Variants in ARL17A observed in about 807,000 individuals in gnomAD.
ARL17A encodes the protein ADP-ribosylation factor-like 17-like.
chr17:46,516,136 T>C (rs2051258054), downstream of ARL17A, among the ~76,000 whole-genome samples: 1 of 148,446 alleles, frequency 6.7e-6, no homozygotes, highest in Non-Finnish European at 1.5e-5. Context: ...CCATCTCTAC[T>C]AAAAATACAG....
At chr17:46,534,549 G>A (rs1350149425) in intron 4 of ARL17A, among the ~76,000 whole-genome samples, 2 of 147,822 alleles carry the variant, frequency 1.4e-5, no homozygotes, top group Non-Finnish European at 3.0e-5. Context: ...CAAGGCAGAA[G>A]AATTTTTCTT....
intron 3 of ARL17A, among the ~76,000 whole-genome samples, chr17:46,541,559 G>A (rs1375297143): frequency 6.6e-6 from 1 of 150,790 alleles, no homozygotes; most frequent in Non-Finnish European, 1.5e-5. Flanking sequence ...GCCTCACTCA[G>A]CAGAATTTTT....
At chr17:46,548,879 T>C (rs1484335473), downstream of ARL17A, 3 of 1,612,636 alleles carry the variant, frequency 1.9e-6, no homozygotes, top group Admixed American at 5.0e-5. Context: ...GCAGTCTCTG[T>C]GCTGAAACCC....
intron 3 of ARL17A, among the ~76,000 whole-genome samples, chr17:46,569,067 C>T (rs1482583854): frequency 2.6e-4 from 37 of 143,494 alleles, no homozygotes; most frequent in African/African-American, 4.6e-4. Context: ...CTCAGCCTCC[C>T]GAGTAGCTGG....
rs1331741976 is a variant in ARL17A at position 46,544,747 on chromosome 17, A to G, written c.260-6321T>C. Among the ~76,000 whole-genome samples, 2 of 95,642 alleles carry G rather than the reference A, an allele frequency of 2.1e-5. 1 individual carries two copies. Among genetic ancestry groups the G allele is most frequent in the Non-Finnish European group, 3.9e-5 (2 of 51,596 alleles). The allele number at this position is 95,642 out of a possible 152,430, so 62.7% of individuals were successfully genotyped here. The stretch of plus-strand genomic sequence containing the variant: ...TCTCTGAAAGTGCCCCCAATAAGCC[A>G]CAACAATAAATTAATCAATTGTCTC... On this transcript the variant is annotated intron_variant, in intron 3 of 4. Transcript: ENST00000329240.
downstream of ARL17A, chr17:46,548,379 C>A: frequency 1.7e-6 from 1 of 587,936 alleles, no homozygotes. Context: ...GGAAGAACTA[C>A]ACAAGCACTG....
In ARL17A at chr17:46,545,259, C is replaced by G. The variant is rs1192865329; in HGVS notation, c.260-6833G>C. Among the ~76,000 whole-genome samples, 8 of 139,420 alleles carry G rather than the reference C, an allele frequency of 5.7e-5. No individual in the cohort carries two copies. The East Asian group carries it at 1.7e-3, about 29-fold the overall frequency. The allele number at this position is 139,420 out of a possible 152,430, so 91.5% of individuals were successfully genotyped here. A position where few individuals can be genotyped will look rare whatever the true frequency, so the allele number is the denominator to read the frequency against. ...CCAGCCTGAGCAACATGGGGAAACT[C>G]TGTCACTACTGAAAATACAAAAGTA... On this transcript the variant is annotated intron_variant, in intron 3 of 4. Transcript: ENST00000329240.
At chr17:46,541,857 T>G (rs2941981) in intron 3 of ARL17A, among the ~76,000 whole-genome samples, 3 of 150,708 alleles carry the variant, frequency 2.0e-5, no homozygotes, top group Admixed American at 1.3e-4. Context: ...GACTTTGGTA[T>G]CTGCAGGGGG....
intron 3 of ARL17A, among the ~76,000 whole-genome samples, chr17:46,558,553 ATTT>A (rs58227880): frequency 2.0e-5 from 2 of 100,240 alleles, no homozygotes; most frequent in African/African-American, 4.1e-5. Context: ...TGCCCGGCCA[ATTT>A]TTTTTTTTTT....
rs2057603757 is a variant in ARL17A at position 46,568,839 on chromosome 17, A to G, written c.259+1920T>C. Among the ~76,000 whole-genome samples the G allele has an allele frequency of 5.0e-5, 6 of 121,090 alleles. No individual in the cohort carries two copies. The South Asian group carries it at 1.6e-3, about 33-fold the overall frequency. The allele number at this position is 121,090 out of a possible 152,430, so 79.4% of individuals were successfully genotyped here. A position where few individuals can be genotyped will look rare whatever the true frequency, so the allele number is the denominator to read the frequency against. On this transcript the variant is annotated intron_variant, in intron 3 of 3. Coordinates refer to ENST00000336125, the MANE Select transcript of ARL17A (RefSeq NM_001113738.2). ...GAGAAAGAACAACTGCTGTAGAATA[A>G]AAGACTAAAGAGGCAAAACAACAAA...
downstream of ARL17A, among the ~76,000 whole-genome samples, chr17:46,516,213 G>T (rs1041882355): frequency 8.3e-5 from 12 of 144,554 alleles, 1 homozygote; most frequent in African/African-American, 3.0e-4. Context: ...TGAGGCAGGA[G>T]AATGGCATGA....
At chr17:46,541,220 C>A (rs949307794) in intron 3 of ARL17A, among the ~76,000 whole-genome samples, 2 of 149,414 alleles carry the variant, frequency 1.3e-5, no homozygotes, top group African/African-American at 2.6e-5. Flanking sequence ...TAGCACATAG[C>A]CTCTTGTGTT....
the ARL17A span, among the ~76,000 whole-genome samples, chr17:46,501,445 G>A: frequency 2.0e-5 from 3 of 151,270 alleles, no homozygotes; most frequent in Admixed American, 2.0e-4. Context: ...AAAGTGCTGA[G>A]ACTACAGGTG....
At chr17:46,543,554 G>C (rs1446113367) in intron 3 of ARL17A, among the ~76,000 whole-genome samples, 1 of 150,892 alleles carries the variant, frequency 6.6e-6, no homozygotes, top group East Asian at 1.9e-4. Context: ...TAGTCCTCTG[G>C]TTATGTCAGA....
rs566993103 is a variant in ARL17A at position 46,558,145 on chromosome 17, C to T, written c.260-515G>A. ...CACGATCTCAGCTCACTGCATCCTC[C>T]GCCTCCTGGGTTCAAGCAAGTCTCC... On this transcript the variant is annotated intron_variant, in intron 3 of 3. Transcript: ENST00000336125. 1.5e-3 allele frequency among the ~76,000 whole-genome samples: 182 copies of T among 122,696 alleles called. 18 individuals are homozygous for T. Among genetic ancestry groups the T allele is most frequent in the African/African-American group, 5.6e-3 (169 of 29,952 alleles). 80.5% of individuals were successfully genotyped at this position (122,696 alleles called of 152,430 possible). A position where few individuals can be genotyped will look rare whatever the true frequency, so the allele number is the denominator to read the frequency against.
At chr17:46,512,535 CACTA>C, downstream of ARL17A, 1 of 161,220 alleles carries the variant, frequency 6.2e-6, no homozygotes, top group Admixed American at 8.7e-5. Context: ...AATCCTTCCT[CACTA>C]AGGGGAGGAG....
chr17:46,534,378 G>C (rs2054241579), intron 4 of ARL17A, among the ~76,000 whole-genome samples: 2 of 145,950 alleles, frequency 1.4e-5, no homozygotes, highest in African/African-American at 5.3e-5. Flanking sequence ...GGGTACTTGA[G>C]ATTAGGGAGT....
At chr17:46,551,090 G>A (rs529817314), downstream of ARL17A, among the ~76,000 whole-genome samples, 575 of 150,044 alleles carry the variant, frequency 3.8e-3, 7 homozygotes, top group African/African-American at 0.014. Context: ...GAGGGGGAAC[G>A]TCTCATACTC....
downstream of ARL17A, among the ~76,000 whole-genome samples, chr17:46,516,153 A>T (rs1158201676): frequency 2.7e-5 from 4 of 149,914 alleles, no homozygotes; most frequent in Non-Finnish European, 4.4e-5. Flanking sequence ...ACAGAAAAAA[A>T]TTAGCCAGGC....
Sources: allele counts gnomAD v4.1 joint callset (sites outside exome capture counted in the v4.1 genomes callset), GRCh38; gene constraint gnomAD v4.1.1; transcripts MANE v1.5; gene names NCBI Gene and HGNC (gene_info 2026-07-23, HGNC 2026-07-21).